Variants in SLC38A10 observed in about 807,000 individuals in gnomAD.
The protein encoded by SLC38A10 is Sodium-coupled neutral amino acid transporter 10.
A neutral mutation model predicts 81.0 loss-of-function variants in SLC38A10; 53 were observed. The ratio of observed to expected loss-of-function variants is 0.65; its 90% CI spans 0.53 to 0.82. SLC38A10 has a LOEUF of 0.82. SLC38A10 is among the 40% of genes least tolerant of loss of function. The pLI, the probability that SLC38A10 is intolerant of heterozygous loss-of-function variation, is 0.00. For synonymous variants in SLC38A10, 665 were observed against 655.3 expected, an observed-to-expected ratio of 1.01 and a Z score of -0.23; for missense variants, 1,471 against 1,545.0, an observed-to-expected ratio of 0.95 and a Z score of 0.80.
At position 81,280,821 on chromosome 17, in the gene SLC38A10, G is replaced by T. The variant is rs533415958; in HGVS notation, c.502-88C>A. The T allele has an allele frequency of 9.6e-5, 144 of 1,503,706 alleles. No homozygotes were observed. In the South Asian group the frequency reaches 1.8e-3, roughly 18 times the overall value. 93.1% of individuals were successfully genotyped at this position (1,503,706 alleles called of 1,614,324 possible). A position where few individuals can be genotyped will look rare whatever the true frequency, so the allele number is the denominator to read the frequency against. On this transcript the variant is annotated intron_variant, in intron 5 of 15. Coordinates refer to ENST00000374759, the MANE Select transcript of SLC38A10 (RefSeq NM_001037984.3). ...GGCCCACGCGCCGCTAGGAAGGAGT[G>T]GCAGGAGAGTGCAGCTCTTCCCACC...
rs939759521 is a variant in SLC38A10 at position 81,270,314 on chromosome 17, T to C, written c.1131+604A>G. Among the ~76,000 whole-genome samples the C allele has an allele frequency of 2.0e-5, 3 of 152,176 alleles. No individual in the cohort carries two copies. The highest frequency in any genetic ancestry group is 2.9e-5 in the Non-Finnish European group (2 of 68,032). ...ACATGCTCATGAACACAGATATTCA[T>C]CGCGATTCTGTCTGCAATAGCAAGA... is the stretch of plus-strand genomic sequence containing the variant. On this transcript the variant is annotated intron_variant, in intron 10 of 15. Transcript: ENST00000374759. The surrounding 1 kb of genome is among the most constrained non-coding windows in gnomAD (Gnocchi z 4.0).
Position 81,252,486 on chromosome 17 carries a change from G to C in SLC38A10, c.1654C>G (p.Pro552Ala), listed in dbSNP as rs771408013. The C allele has an allele frequency of 6.8e-6, 11 of 1,613,310 alleles. No homozygotes were observed. The South Asian group carries it at 1.2e-4, about 18-fold the overall frequency. Residue 552 changes from proline to alanine, a missense_variant, in exon 13 of 16, where the codon CCG (proline) becomes GCG (alanine). Pro to Ala is a conservative substitution (Grantham distance 27). Around this residue, in one of 2 missense-constraint regions of SLC38A10, gnomAD observed 720 missense variants for 827.7 expected, o/e 0.87. Transcript: ENST00000374759. ...CTCTTCCCAACCTCTCCCTGCTCCG[G>C]CTCTTGTTTCTCTCTTTCTGAGTCG... ...LPDSEREKQE[P>A]EQGEVGKRPG...
At position 81,275,680 on chromosome 17, in the gene SLC38A10, C is replaced by T. The variant is rs182509051; in HGVS notation, c.912+289G>A. Among the ~76,000 whole-genome samples the T allele has an allele frequency of 7.5e-3, 1,058 of 140,480 alleles. 11 individuals carry two copies. The highest frequency in any genetic ancestry group is 0.028 in the African/African-American group (958 of 34,580). The allele number at this position is 140,480 out of a possible 152,430, so 92.2% of individuals were successfully genotyped here. A position where few individuals can be genotyped will look rare whatever the true frequency, so the allele number is the denominator to read the frequency against. ...CCGGGAGGCGGAGCTTGCAGTGAGT[C>T]GAGATCGCGCCACTGCACTCCAGCC... On this transcript the variant is annotated intron_variant, in intron 8 of 15. Transcript: ENST00000374759.
chr17:81,274,453 T>C (rs1369899835), intron 8 of SLC38A10, among the ~76,000 whole-genome samples: 2 of 152,318 alleles, frequency 1.3e-5, no homozygotes, highest in Non-Finnish European at 2.9e-5. Flanking sequence ...CTGAGACCAC[T>C]CAACCCGCCT....
chr17:81,279,141 T>C (rs2063186773), intron 6 of SLC38A10, among the ~76,000 whole-genome samples: 1 of 152,194 alleles, frequency 6.6e-6, no homozygotes, highest in Non-Finnish European at 1.5e-5. Flanking sequence ...CTTGGGTGTG[T>C]GCCCCTCTGC....
In SLC38A10 at chr17:81,280,540, G is replaced by T. The variant is rs1027018803; in HGVS notation, c.626+69C>A. The stretch of plus-strand genomic sequence containing the variant: ...CGATCACAGTAAACGAGAAAGAGAG[G>T]GTCCCGTCTCCCAGCAGCTCGCCCT... On this transcript the variant is annotated intron_variant, in intron 6 of 15. Coordinates refer to ENST00000374759, the MANE Select transcript of SLC38A10 (RefSeq NM_001037984.3). 2.6e-5 allele frequency: 41 copies of T among 1,585,406 alleles called. 2 individuals carry two copies. In the South Asian group the frequency reaches 4.6e-4, roughly 18 times the overall value.
rs143016960 is a variant in SLC38A10 at position 81,256,843 on chromosome 17, G to A, written c.1288+3395C>T. Reference sequence around the variant, plus strand: ...GGTCTGATCTTTGCGAATGTGAGGGGGAATCCCAGGCTATCTGGCTCCTGG... The same window carrying A: ...GGTCTGATCTTTGCGAATGTGAGGGAGAATCCCAGGCTATCTGGCTCCTGG... On this transcript the variant is annotated intron_variant, in intron 11 of 15. Coordinates refer to ENST00000374759, the MANE Select transcript of SLC38A10 (RefSeq NM_001037984.3). Among the ~76,000 whole-genome samples the A allele has an allele frequency of 2.8e-4, 42 of 152,350 alleles. No individual in the cohort carries two copies. In the East Asian group the frequency reaches 8.1e-3, roughly 29 times the overall value.
Position 81,246,629 on chromosome 17 carries a change from C to G in SLC38A10, c.2287G>C (p.Glu763Gln). ...TCCCTGGCCTTGCCTTCAGGGGCCT[C>G]CTGGCCTCTGGGCACCGCTGCCCCG... is the stretch of plus-strand genomic sequence containing the variant. ...EPGAAVPRGQ[E>Q]APEGKARETV... The change falls in exon 16 of 16, where the codon GAG (glutamate) becomes CAG (glutamine). Residue 763 changes from glutamate to glutamine, a missense_variant. Glu to Gln is a conservative substitution (Grantham distance 29). Around this residue, in one of 2 missense-constraint regions of SLC38A10, gnomAD observed 751 missense variants for 717.4 expected, o/e 1.05. Coordinates refer to ENST00000374759, the MANE Select transcript of SLC38A10 (RefSeq NM_001037984.3). 6.6e-7 allele frequency: 1 copy of G among 1,515,076 alleles called. No individual in the cohort carries two copies. The highest frequency in any genetic ancestry group is 1.3e-5 in the South Asian group (1 of 74,410). The allele number at this position is 1,515,076 out of a possible 1,614,324, so 93.9% of individuals were successfully genotyped here. A position where few individuals can be genotyped will look rare whatever the true frequency, so the allele number is the denominator to read the frequency against.
At position 81,251,591 on chromosome 17, in the gene SLC38A10, G is replaced by C; in HGVS notation, c.1967C>G (p.Ala656Gly). 2.0e-6 allele frequency: 3 copies of C among 1,492,282 alleles called. No individual in the cohort carries two copies. Among genetic ancestry groups the C allele is most frequent in the Non-Finnish European group, 1.8e-6 (2 of 1,128,228 alleles). The allele number at this position is 1,492,282 out of a possible 1,614,324, so 92.4% of individuals were successfully genotyped here. ...CCCAGGCCCTGGAGCCGGCTTCTCCGCTGGGAGGGGAGGCTTCCCACCTGC... is the reference window on the plus strand; with the variant it reads ...CCCAGGCCCTGGAGCCGGCTTCTCCCCTGGGAGGGGAGGCTTCCCACCTGC... Reference protein sequence around the residue: ...SDHGGKPPLPAEKPAPGPGLP... With the variant: ...SDHGGKPPLPGEKPAPGPGLP... Residue 656 changes from alanine to glycine, a missense_variant, in exon 14 of 16, where the codon GCG (alanine) becomes GGG (glycine). This residue lies in a region of SLC38A10 where 751 missense variants were observed against 717.4 expected (regional missense o/e 1.05). Transcript: ENST00000374759.
rs924965665 is a variant in SLC38A10 at position 81,283,978 on chromosome 17, A to G, written c.264-476T>C. Among the ~76,000 whole-genome samples the G allele has an allele frequency of 6.6e-6, 1 of 151,876 alleles. No homozygotes were observed. Among genetic ancestry groups the G allele is most frequent in the Non-Finnish European group, 1.5e-5 (1 of 67,984 alleles). The stretch of plus-strand genomic sequence containing the variant: ...CAGGTTCTGTGGCGCTCGCTATGTC[A>G]CTTGGCATGCACACCAAACGACACT... On this transcript the variant is annotated intron_variant, in intron 3 of 15. Coordinates refer to ENST00000374759, the MANE Select transcript of SLC38A10 (RefSeq NM_001037984.3). The surrounding 1 kb of genome is among the most constrained non-coding windows in gnomAD (Gnocchi z 4.7).
intron 10 of SLC38A10, among the ~76,000 whole-genome samples, chr17:81,266,386 G>T (rs971875614): frequency 6.6e-6 from 1 of 152,174 alleles, no homozygotes; most frequent in Non-Finnish European, 1.5e-5. Flanking sequence ...TTGGGAGGCC[G>T]AGGCGGGCGG....
Position 81,286,123 on chromosome 17 carries a change from C to T in SLC38A10, c.218-1228G>A, listed in dbSNP as rs1171695654. 6.6e-6 allele frequency among the ~76,000 whole-genome samples: 1 copy of T among 152,198 alleles called. No individual in the cohort carries two copies. Among genetic ancestry groups the T allele is most frequent in the South Asian group, 2.1e-4 (1 of 4,832 alleles). The stretch of plus-strand genomic sequence containing the variant: ...CCCACAGCCCAGGGCCCTGCTGTCA[C>T]CAAGGAACGCCCTCCACACCCCTCA... On this transcript the variant is annotated intron_variant, in intron 2 of 15. Transcript: ENST00000374759. The surrounding 1 kb of genome is among the most constrained non-coding windows in gnomAD (Gnocchi z 6.0).
chr17:81,265,470 G>A lies in SLC38A10; in HGVS notation c.1132-5076C>T, dbSNP rs1415179422. On this transcript the variant is annotated intron_variant, in intron 10 of 15. Transcript: ENST00000374759. The surrounding 1 kb of genome is among the most constrained non-coding windows in gnomAD (Gnocchi z 4.2). ...CGACCTATTTTCCTGTCCCCTGGTTGATCTTCTGAGGACGAGCTGGAACAT... is the reference window on the plus strand; with the variant it reads ...CGACCTATTTTCCTGTCCCCTGGTTAATCTTCTGAGGACGAGCTGGAACAT... 6.6e-6 allele frequency: 1 copy of A among 152,284 alleles called. No homozygotes were observed. The highest frequency in any genetic ancestry group is 1.9e-4 in the East Asian group (1 of 5,198). The allele number at this position is 152,284 out of a possible 1,614,324, so 9.4% of individuals were successfully genotyped here.
intron 9 of SLC38A10, among the ~76,000 whole-genome samples, chr17:81,271,549 T>C (rs2063116063): frequency 6.6e-6 from 1 of 152,140 alleles, no homozygotes; most frequent in South Asian, 2.1e-4. Flanking sequence ...AGTGGGTGCA[T>C]TTGGGTAACA....
chr17:81,246,392 G>C lies in SLC38A10; in HGVS notation c.2524C>G (p.Pro842Ala), dbSNP rs776009193. The change falls in exon 16 of 16, where the codon CCC becomes GCC. Residue 842 changes from proline (P) to alanine (A), a missense_variant. By Grantham distance (27) the Pro-to-Ala change is conservative (BLOSUM62 -1). Around this residue, in one of 2 missense-constraint regions of SLC38A10, gnomAD observed 751 missense variants for 717.4 expected, o/e 1.05. Coordinates refer to ENST00000374759, the MANE Select transcript of SLC38A10 (RefSeq NM_001037984.3). ...TCCTTCACAGTGCCAGCTGCCCTGGGGGCGGCATCCTTCTGGCCATCTCTC... is the reference window on the plus strand; with the variant it reads ...TCCTTCACAGTGCCAGCTGCCCTGGCGGCGGCATCCTTCTGGCCATCTCTC... ...KLRDGQKDAAPRAAGTVKELP... is the reference protein window; with the variant it reads ...KLRDGQKDAAARAAGTVKELP... The C allele has an allele frequency of 7.5e-6, 12 of 1,600,504 alleles. No individual in the cohort carries two copies. The highest frequency in any genetic ancestry group is 1.0e-5 in the Non-Finnish European group (12 of 1,175,496).
At chr17:81,272,066 CTT>C (rs1215057518) in intron 9 of SLC38A10, among the ~76,000 whole-genome samples, 3 of 151,236 alleles carry the variant, frequency 2.0e-5, no homozygotes, top group African/African-American at 7.3e-5. Context: ...AAGTTTCTCT[CTT>C]GTTGCCCAGC....
intron 15 of SLC38A10, 45 bp downstream of exon 15, chr17:81,246,840 C>A (rs371850583): frequency 1.6e-5 from 25 of 1,545,380 alleles, no homozygotes; most frequent in Non-Finnish European, 2.2e-5. Flanking sequence ...CAGCAGGAGA[C>A]CCCCTGCCTG....
chr17:81,273,065 C>T (rs2063131392), intron 8 of SLC38A10, among the ~76,000 whole-genome samples: 1 of 152,184 alleles, frequency 6.6e-6, no homozygotes, highest in Non-Finnish European at 1.5e-5. Flanking sequence ...CCCCCCCAAA[C>T]ACACGCACAC....
In SLC38A10 at chr17:81,251,528, C is replaced by CGCTCCACGTCCCTCT; in HGVS notation, c.2015_2029dup (p.Gln672_Glu676dup). 1.3e-6 allele frequency: 2 copies of CGCTCCACGTCCCTCT among 1,581,818 alleles called. No homozygotes were observed. The highest frequency in any genetic ancestry group is 8.6e-7 in the Non-Finnish European group (1 of 1,167,982). On this transcript the variant is annotated inframe_insertion, in exon 14 of 16. Transcript: ENST00000374759. Reference sequence around the variant, plus strand: ...GCTGGCCGCCTGGTTTCCACCCGCTCGCTCCACGTCCCTCTGCTCGCGAGG... The same window carrying CGCTCCACGTCCCTCT: ...GCTGGCCGCCTGGTTTCCACCCGCTCGCTCCACGTCCCTCTGCTCCACGTCCCTCTGCTCGCGAGG...
Sources: allele counts gnomAD v4.1 joint callset (sites outside exome capture counted in the v4.1 genomes callset), GRCh38; gene constraint gnomAD v4.1.1; regional missense constraint gnomAD v4.1.1; non-coding constraint Gnocchi (gnomAD v3.1); transcripts MANE v1.5; gene names NCBI Gene and HGNC (gene_info 2026-07-23, HGNC 2026-07-21).